The following OTUD7A variants were observed in gnomAD, a reference collection of about 807,000 sequenced individuals.
The protein encoded by OTUD7A is OTU deubiquitinase 7A.
In OTUD7A, 12 loss-of-function variants were observed where a neutral mutation model predicts 65.7. That is an observed-to-expected ratio of 0.18 (90% CI 0.12 to 0.30). OTUD7A has a LOEUF of 0.30. Ranked by LOEUF, OTUD7A falls within the 10% of genes least tolerant of loss-of-function variation. The pLI, the probability that OTUD7A is intolerant of heterozygous loss-of-function variation, is 1.00. For synonymous variants in OTUD7A, 641 were observed against 586.3 expected (o/e 1.09, Z -1.35); for missense variants, 1,148 against 1,304.8 (o/e 0.88, Z 1.85).
intron 1 of OTUD7A, among the ~76,000 whole-genome samples, chr15:31,772,183 C>T (rs1216505340): frequency 1.4e-5 from 2 of 142,912 alleles, no homozygotes; most frequent in East Asian, 2.1e-4. Flanking sequence ...ACCCGGGAGG[C>T]GGAGCTTGCA....
At chr15:31,778,012 G>C (rs1364505712) in intron 1 of OTUD7A, among the ~76,000 whole-genome samples, 1 of 152,124 alleles carries the variant, frequency 6.6e-6, no homozygotes. Flanking sequence ...CTGGTGGCCG[G>C]CCATGGGTAG....
chr15:31,716,984 G>A (rs1298490619), intron 1 of OTUD7A, among the ~76,000 whole-genome samples: 1 of 152,058 alleles, frequency 6.6e-6, no homozygotes, highest in Non-Finnish European at 1.5e-5. Context: ...TAGAAAACTT[G>A]CAAAAATAGT....
chr15:31,532,806 C>T (rs945462631), intron 5 of OTUD7A, among the ~76,000 whole-genome samples: 39 of 151,638 alleles, frequency 2.6e-4, no homozygotes, highest in Admixed American at 2.2e-3. Flanking sequence ...TGGTGGCGGG[C>T]GCCTGTAGTC....
Position 31,480,940 on chromosome 15 carries a change from G to C in OTUD7A, c.*2354C>G, listed in dbSNP as rs1431929103. On this transcript the variant is annotated 3_prime_UTR_variant, in exon 13 of 13. Transcript: ENST00000307050. ...TTTAGGGCACATCTGTCATCAGATGGTGATGGGTGGAGGTAACTTGGAAAT... is the reference window on the plus strand; with the variant it reads ...TTTAGGGCACATCTGTCATCAGATGCTGATGGGTGGAGGTAACTTGGAAAT... The C allele has an allele frequency of 6.6e-6, 1 of 152,268 alleles. No homozygotes were observed. The highest frequency in any genetic ancestry group is 1.5e-5 in the Non-Finnish European group (1 of 68,048). The allele number at this position is 152,268 out of a possible 1,614,324, so 9.4% of individuals were successfully genotyped here.
intron 3 of OTUD7A, among the ~76,000 whole-genome samples, chr15:31,618,965 A>G (rs1031510395): frequency 7.9e-5 from 12 of 152,204 alleles, no homozygotes; most frequent in African/African-American, 2.7e-4. Flanking sequence ...GGTGTAAGGA[A>G]GAGATCCAGT....
At chr15:31,537,683 G>GGCAGGATCTTTGCTT (rs2141131090) in intron 5 of OTUD7A, among the ~76,000 whole-genome samples, 1 of 152,304 alleles carries the variant, frequency 6.6e-6, no homozygotes, top group African/African-American at 2.4e-5. Flanking sequence ...AAAATAAAAT[G>GGCAGGATCTTTGCTT]GCAGGATCTT....
intron 1 of OTUD7A, among the ~76,000 whole-genome samples, chr15:31,866,627 T>C (rs1263249883): frequency 6.6e-6 from 1 of 152,200 alleles, no homozygotes; most frequent in East Asian, 1.9e-4. Flanking sequence ...TAAAATTCTT[T>C]TTCCAAGGTT....
intron 1 of OTUD7A, among the ~76,000 whole-genome samples, chr15:31,749,325 G>C (rs1894564753): frequency 6.6e-6 from 1 of 152,170 alleles, no homozygotes; most frequent in Non-Finnish European, 1.5e-5. Flanking sequence ...TGAGGATGTG[G>C]AGTAAAGTGA....
At chr15:31,750,327 G>C in intron 1 of OTUD7A, among the ~76,000 whole-genome samples, 1 of 142,044 alleles carries the variant, frequency 7.0e-6, no homozygotes, top group East Asian at 2.1e-4. Flanking sequence ...AGAATAGCCT[G>C]AACTTGGGAT....
chr15:31,725,566 A>C (rs1893862015), intron 1 of OTUD7A, among the ~76,000 whole-genome samples: 1 of 152,264 alleles, frequency 6.6e-6, no homozygotes, highest in African/African-American at 2.4e-5. Flanking sequence ...TCAAATATTC[A>C]GTGACCAGAA....
At chr15:31,522,313 C>A (rs1012677345) in intron 8 of OTUD7A, among the ~76,000 whole-genome samples, 2 of 152,188 alleles carry the variant, frequency 1.3e-5, no homozygotes, top group South Asian at 2.1e-4. Context: ...CCTGTTTGAG[C>A]TGGGACATGG....
At chr15:31,867,899 G>T (rs1595826152) in intron 1 of OTUD7A, among the ~76,000 whole-genome samples, 1 of 146,398 alleles carries the variant, frequency 6.8e-6, no homozygotes, top group East Asian at 2.2e-4. Flanking sequence ...AGGCATGCGG[G>T]AGCGGAGGGG....
chr15:31,761,231 CAAGAAT>C (rs1894954855), intron 1 of OTUD7A, among the ~76,000 whole-genome samples: 1 of 152,050 alleles, frequency 6.6e-6, no homozygotes, highest in Non-Finnish European at 1.5e-5. Flanking sequence ...AGAACACTAT[CAAGAAT>C]ATGGAAAGGC....
intron 1 of OTUD7A, among the ~76,000 whole-genome samples, chr15:31,738,211 G>A (rs1894244857): frequency 6.6e-6 from 1 of 152,106 alleles, no homozygotes; most frequent in South Asian, 2.1e-4. Context: ...ATGGGGGGAT[G>A]GGGAGAGAGG....
At chr15:31,668,705 T>C (rs1216661044) in intron 1 of OTUD7A, among the ~76,000 whole-genome samples, 2 of 152,296 alleles carry the variant, frequency 1.3e-5, no homozygotes, top group Non-Finnish European at 2.9e-5. Context: ...GTGTGATTTT[T>C]TGGGGGGTGT....
chr15:31,722,651 T>C (rs1205715702), intron 1 of OTUD7A, among the ~76,000 whole-genome samples: 1 of 151,852 alleles, frequency 6.6e-6, no homozygotes, highest in Non-Finnish European at 1.5e-5. Flanking sequence ...GCCCAGGGAG[T>C]GACCAGAGCC....
intron 1 of OTUD7A, among the ~76,000 whole-genome samples, chr15:31,719,320 A>C (rs1483083507): frequency 6.6e-6 from 1 of 151,846 alleles, no homozygotes; most frequent in African/African-American, 2.4e-5. Flanking sequence ...TTGGACATGT[A>C]ATGCACATCT....
chr15:31,503,106 A>G (rs1048962023), intron 9 of OTUD7A, among the ~76,000 whole-genome samples: 2 of 152,046 alleles, frequency 1.3e-5, no homozygotes, highest in Non-Finnish European at 2.9e-5. Context: ...TCATCTCTGT[A>G]AAGTGGGGAG....
rs1478980773 is a variant in OTUD7A, at chr15:31,487,972, G to C, written c.1172-406C>G. Among the ~76,000 whole-genome samples the C allele has an allele frequency of 2.0e-5, 3 of 152,190 alleles. No homozygotes were observed. The highest frequency in any genetic ancestry group is 7.2e-5 in the African/African-American group (3 of 41,442). On this transcript the variant is annotated intron_variant, in intron 10 of 12. Transcript: ENST00000307050. This position sits in a 1 kb window ranked among gnomAD's most constrained non-coding sequence, Gnocchi z 6.0. The stretch of plus-strand genomic sequence containing the variant: ...CTCGTCCCAGAGAAGGGCCGAATGT[G>C]CAAGTCAGGTGAGCAAGGGTGTTGC...
Sources: allele counts gnomAD v4.1 joint callset (sites outside exome capture counted in the v4.1 genomes callset), GRCh38; gene constraint gnomAD v4.1.1; non-coding constraint Gnocchi (gnomAD v3.1); transcripts MANE v1.5; gene names NCBI Gene and HGNC (gene_info 2026-07-23, HGNC 2026-07-21).